The following PDE1A variants were observed in gnomAD, a reference collection of about 807,000 sequenced individuals.
The protein encoded by PDE1A is dual specificity calcium/calmodulin-dependent 3',5'-cyclic nucleotide phosphodiesterase 1A.
Under a neutral mutation model 61.7 loss-of-function variants are expected in PDE1A, and 35 were observed. That is an observed-to-expected ratio of 0.57 (90% CI 0.43 to 0.75). The LOEUF (loss-of-function observed/expected upper bound fraction) is 0.75, where lower values mean the gene tolerates loss of function less well. Ranked by LOEUF, PDE1A falls within the 30% of genes least tolerant of loss-of-function variation. The pLI is 0.00. For synonymous variants in PDE1A, 232 were observed against 213.2 expected (o/e 1.09, Z -0.77); for missense variants, 597 against 630.6 (o/e 0.95, Z 0.57).
At chr2:182,438,547 A>G (rs914374731) in intron 2 of PDE1A, among the ~76,000 whole-genome samples, 2 of 152,034 alleles carry the variant, frequency 1.3e-5, no homozygotes, top group Non-Finnish European at 2.9e-5. Context: ...ATGCTGTTTT[A>G]GCAAGGTTTA....
chr2:182,553,645 A>G, the PDE1A span, among the ~76,000 whole-genome samples: 1 of 152,202 alleles, frequency 6.6e-6, no homozygotes, highest in African/African-American at 2.4e-5. Context: ...TATGTACCAA[A>G]TGCACTGGAG....
At chr2:182,158,757 A>G (rs1432523) in intron 13 of PDE1A, among the ~76,000 whole-genome samples, 63,983 of 152,024 alleles carry the variant, frequency 0.42, 13,979 homozygotes, top group East Asian at 0.63. Flanking sequence ...TACACTTTGA[A>G]CATCAGATTC....
At chr2:182,678,568 AAAC>A in the PDE1A span, among the ~76,000 whole-genome samples, 1 of 152,222 alleles carries the variant, frequency 6.6e-6, no homozygotes, top group Non-Finnish European at 1.5e-5. Flanking sequence ...TTAATGGGAA[AAAC>A]AACTACAAAC....
intron 2 of PDE1A, among the ~76,000 whole-genome samples, chr2:182,452,680 T>C (rs1685610139): frequency 6.6e-6 from 1 of 152,078 alleles, no homozygotes; most frequent in African/African-American, 2.4e-5. Context: ...GCAAAAAAGG[T>C]GACAACTTGC....
intron 2 of PDE1A, among the ~76,000 whole-genome samples, chr2:182,248,040 T>G (rs1053138332): frequency 6.6e-6 from 1 of 152,018 alleles, no homozygotes; most frequent in Non-Finnish European, 1.5e-5. Flanking sequence ...CCTTAGGAAT[T>G]CTTAAAATGT....
intron 13 of PDE1A, among the ~76,000 whole-genome samples, chr2:182,155,373 G>A (rs902835353): frequency 1.3e-5 from 2 of 152,106 alleles, no homozygotes; most frequent in Non-Finnish European, 2.9e-5. Flanking sequence ...ACGGGCATGA[G>A]CCACCATGTC....
the PDE1A span, among the ~76,000 whole-genome samples, chr2:182,694,827 G>C: frequency 1.0e-5 from 1 of 99,030 alleles, no homozygotes; most frequent in East Asian, 2.4e-4. Context: ...AAAAAAGGTG[G>C]GGGGGGGGCA....
intron 10 of PDE1A, among the ~76,000 whole-genome samples, chr2:182,200,919 G>A (rs899775466): frequency 1.3e-5 from 2 of 152,186 alleles, no homozygotes; most frequent in Non-Finnish European, 2.9e-5. Flanking sequence ...GAAAAGATGT[G>A]TACTTGTGGC....
At chr2:182,199,016 A>G (rs1284236317) in intron 10 of PDE1A, among the ~76,000 whole-genome samples, 1 of 152,004 alleles carries the variant, frequency 6.6e-6, no homozygotes, top group African/African-American at 2.4e-5. Context: ...TACAAATTCA[A>G]CTTTTGAAAC....
At chr2:182,420,068 G>T (rs1180841951) in intron 1 of PDE1A, among the ~76,000 whole-genome samples, 1 of 151,652 alleles carries the variant, frequency 6.6e-6, no homozygotes, top group Non-Finnish European at 1.5e-5. Context: ...AAGTATAATA[G>T]AATGAGAGAG....
the PDE1A span, among the ~76,000 whole-genome samples, chr2:182,609,189 GGGAGGT>G: frequency 6.6e-6 from 1 of 152,124 alleles, no homozygotes; most frequent in Non-Finnish European, 1.5e-5. Context: ...TAATCTAGTG[GGGAGGT>G]GGAGAACTTT....
At chr2:182,341,550 G>T (rs1389957487) in intron 1 of PDE1A, among the ~76,000 whole-genome samples, 1 of 152,062 alleles carries the variant, frequency 6.6e-6, no homozygotes, top group African/African-American at 2.4e-5. Context: ...ACTCCAGCCT[G>T]GCCTGGTCAT....
At chr2:182,555,965 C>CAAAAAAAAAAAAAAAAAAAAAAA in the PDE1A span, among the ~76,000 whole-genome samples, 2 of 48,438 alleles carry the variant, frequency 4.1e-5, no homozygotes. Flanking sequence ...AACTCCATCT[C>CAAAAAAAAAAAAAAAAAAAAAAA]AAAAAAAAAA....
chr2:182,289,405 C>T (rs1694376444), intron 1 of PDE1A, among the ~76,000 whole-genome samples: 1 of 151,986 alleles, frequency 6.6e-6, no homozygotes, highest in Admixed American at 6.6e-5. Flanking sequence ...TGAGGGAGAG[C>T]CCAGCTTCAC....
At chr2:182,173,448 T>C (rs983827119) in intron 13 of PDE1A, among the ~76,000 whole-genome samples, 1 of 151,942 alleles carries the variant, frequency 6.6e-6, no homozygotes, top group Non-Finnish European at 1.5e-5. Context: ...TTCCACTCTA[T>C]CAAATGCATA....
At chr2:182,268,488 C>CTG (rs1478664260) in intron 1 of PDE1A, among the ~76,000 whole-genome samples, 4 of 151,924 alleles carry the variant, frequency 2.6e-5, no homozygotes, top group Non-Finnish European at 5.9e-5. Context: ...GCATGGGTAC[C>CTG]TGTGTGTGTG....
At chr2:182,597,991 T>G in the PDE1A span, among the ~76,000 whole-genome samples, 338 of 152,322 alleles carry the variant, frequency 2.2e-3, no homozygotes, top group African/African-American at 7.7e-3. Flanking sequence ...TGTTTCAGCA[T>G]GTTAAAGAAA....
chr2:182,274,518 C>G (rs994633595), intron 1 of PDE1A, among the ~76,000 whole-genome samples: 1 of 152,092 alleles, frequency 6.6e-6, no homozygotes, highest in Non-Finnish European at 1.5e-5. Flanking sequence ...AAAATTGAGT[C>G]ATTTCAAGAA....
chr2:182,467,348 C>T (rs1167925753), intron 2 of PDE1A, among the ~76,000 whole-genome samples: 2 of 151,788 alleles, frequency 1.3e-5, no homozygotes, highest in Non-Finnish European at 2.9e-5. Context: ...CTAAATATCA[C>T]ATGAAGAACA....
Sources: allele counts gnomAD v4.1 joint callset (sites outside exome capture counted in the v4.1 genomes callset), GRCh38; gene constraint gnomAD v4.1.1; transcripts MANE v1.5; gene names NCBI Gene and HGNC (gene_info 2026-07-23, HGNC 2026-07-21).